The following INIP variants were observed in gnomAD, a reference collection of about 807,000 sequenced individuals.
INIP encodes INTS3 and NABP interacting protein.
A neutral mutation model predicts 14.0 loss-of-function variants in INIP; 9 were observed. The ratio of observed to expected loss-of-function variants is 0.64; its 90% CI spans 0.39 to 1.12. The LOEUF is 1.12. Ranked by LOEUF, INIP falls within the 50% of genes most tolerant of loss-of-function variation. The pLI is 0.01. For missense variants in INIP, 78 were observed against 122.7 expected, an observed-to-expected ratio of 0.64 and a Z score of 1.72; for synonymous variants, 37 against 41.5, an observed-to-expected ratio of 0.89 and a Z score of 0.41.
chr9:112,713,712 C>G (rs951829275), intron 2 of INIP, among the ~76,000 whole-genome samples: 1 of 151,952 alleles, frequency 6.6e-6, no homozygotes, highest in Non-Finnish European at 1.5e-5. Context: ...TATCTGAGGC[C>G]GGGCACAGTG....
At chr9:112,692,427 G>T (rs1588073500) in intron 3 of INIP, among the ~76,000 whole-genome samples, 1 of 152,092 alleles carries the variant, frequency 6.6e-6, no homozygotes, top group East Asian at 1.9e-4. Flanking sequence ...GGCACTACAG[G>T]CATGCACCAC....
At chr9:112,700,021 A>T (rs1838237643) in intron 2 of INIP, among the ~76,000 whole-genome samples, 1 of 152,220 alleles carries the variant, frequency 6.6e-6, no homozygotes, top group Non-Finnish European at 1.5e-5. Flanking sequence ...GTTGTTTTAA[A>T]AAATAATACA....
chr9:112,693,620 C>T (rs1226933170), intron 3 of INIP, among the ~76,000 whole-genome samples: 2 of 152,166 alleles, frequency 1.3e-5, no homozygotes, highest in Admixed American at 6.5e-5. Flanking sequence ...TCTTTTGTTA[C>T]AGAGGTCCCT....
intron 2 of INIP, among the ~76,000 whole-genome samples, chr9:112,710,850 A>C (rs1838625167): frequency 6.6e-6 from 1 of 152,150 alleles, no homozygotes. Context: ...TTATACATAC[A>C]AACAGTACAG....
intron 2 of INIP, among the ~76,000 whole-genome samples, chr9:112,697,651 A>G (rs1838141096): frequency 6.6e-6 from 1 of 151,608 alleles, no homozygotes; most frequent in South Asian, 2.1e-4. Context: ...TCAGGAAATT[A>G]TAAGAGTTTT....
intron 1 of INIP, among the ~76,000 whole-genome samples, chr9:112,717,207 G>A (rs1315706089): frequency 3.9e-5 from 6 of 152,106 alleles, no homozygotes; most frequent in Non-Finnish European, 8.8e-5. Flanking sequence ...TTCATCTATG[G>A]TGTCTCTGCA....
At chr9:112,703,098 C>G (rs887282636) in intron 2 of INIP, among the ~76,000 whole-genome samples, 3 of 151,976 alleles carry the variant, frequency 2.0e-5, no homozygotes, top group African/African-American at 7.3e-5. Context: ...TTCATTCTAC[C>G]CCCTCCTCCT....
In INIP at chr9:112,715,129, T is replaced by C. The variant is rs796537055; in HGVS notation, c.25+1332A>G. On this transcript the variant is annotated intron_variant, in intron 2 of 4. Transcript: ENST00000374242. ...ATCTTAAAATACACACATACATACA[T>C]ACATACACACACACACACACACACA... Among the ~76,000 whole-genome samples the C allele has an allele frequency of 5.5e-3, 554 of 100,952 alleles. 7 individuals carry two copies. The highest frequency in any genetic ancestry group is 0.02 in the African/African-American group (531 of 26,236). 66.2% of individuals were successfully genotyped at this position (100,952 alleles called of 152,430 possible).
In INIP at chr9:112,684,480, G is replaced by C. The variant is rs1372776682; in HGVS notation, c.*3058C>G. On this transcript the variant is annotated 3_prime_UTR_variant, in exon 5 of 5. Coordinates refer to ENST00000374242, the MANE Select transcript of INIP (RefSeq NM_021218.3). ...AGGGTTGAGGATTGCTTGAGCCCAGGGATTCAAGGAGTCTTGCAGTGAGCT... is the reference window on the plus strand; with the variant it reads ...AGGGTTGAGGATTGCTTGAGCCCAGCGATTCAAGGAGTCTTGCAGTGAGCT... 1 of 152,090 alleles carries C rather than the reference G, an allele frequency of 6.6e-6. No homozygotes were observed. The highest frequency in any genetic ancestry group is 1.5e-5 in the Non-Finnish European group (1 of 68,056). The allele number at this position is 152,090 out of a possible 1,614,324, so 9.4% of individuals were successfully genotyped here.
At chr9:112,702,087 C>T (rs1398538674) in intron 2 of INIP, among the ~76,000 whole-genome samples, 1 of 152,012 alleles carries the variant, frequency 6.6e-6, no homozygotes. Context: ...CACATACACA[C>T]ACACACACAC....
Position 112,693,846 on chromosome 9 carries a change from G to A in INIP, c.128+285C>T, listed in dbSNP as rs1374495491. Reference sequence around the variant, plus strand: ...TCCCAGCACTTTGGGAGACCAAGGCGGGTGGATCACCTGAGGTCAGGAGTT... The same window carrying A: ...TCCCAGCACTTTGGGAGACCAAGGCAGGTGGATCACCTGAGGTCAGGAGTT... On this transcript the variant is annotated intron_variant, in intron 3 of 4. Coordinates refer to ENST00000374242, the MANE Select transcript of INIP (RefSeq NM_021218.3). 2.0e-5 allele frequency among the ~76,000 whole-genome samples: 3 copies of A among 152,274 alleles called. No homozygotes were observed. The East Asian group carries it at 5.8e-4, about 29-fold the overall frequency.
chr9:112,715,633 C>T (rs540029071), intron 2 of INIP, among the ~76,000 whole-genome samples: 28 of 152,016 alleles, frequency 1.8e-4, no homozygotes, highest in African/African-American at 5.8e-4. Context: ...ATTAGCTGAG[C>T]GTGATGGCGT....
At chr9:112,706,216 G>C (rs1838463620) in intron 2 of INIP, among the ~76,000 whole-genome samples, 1 of 152,196 alleles carries the variant, frequency 6.6e-6, no homozygotes, top group Non-Finnish European at 1.5e-5. Context: ...CATTGGCAAG[G>C]ATGTGGAGAA....
chr9:112,712,351 A>C (rs1262973266), intron 2 of INIP, among the ~76,000 whole-genome samples: 3 of 152,202 alleles, frequency 2.0e-5, no homozygotes, highest in South Asian at 2.1e-4. Context: ...GAGTTGAGTC[A>C]AGCTGTCTGC....
At chr9:112,708,665 G>A (rs1470745386) in intron 2 of INIP, among the ~76,000 whole-genome samples, 1 of 151,990 alleles carries the variant, frequency 6.6e-6, no homozygotes, top group Non-Finnish European at 1.5e-5. Flanking sequence ...GTCTCACTGG[G>A]CTAAAATCAA....
chr9:112,695,913 G>A (rs911527043), intron 2 of INIP, among the ~76,000 whole-genome samples: 1 of 151,764 alleles, frequency 6.6e-6, no homozygotes, highest in Non-Finnish European at 1.5e-5. Context: ...ATTAAGCCAG[G>A]GTATTGTTCT....
At position 112,688,085 on chromosome 9, in the gene INIP, CAAAT is replaced by C. The variant is rs3033103; in HGVS notation, c.220-456_220-453del. Among the ~76,000 whole-genome samples, 362 of 145,736 alleles carry C rather than the reference CAAAT, an allele frequency of 2.5e-3. 4 individuals are homozygous for C. The highest frequency in any genetic ancestry group is 5.4e-3 in the African/African-American group (217 of 39,992). The stretch of plus-strand genomic sequence containing the variant: ...TGGGCGACAGAGCGAGACTCCATCT[CAAAT>C]AAATAAATAAATAAATAAATAAATA... On this transcript the variant is annotated intron_variant, in intron 4 of 4. Coordinates refer to ENST00000374242, the MANE Select transcript of INIP (RefSeq NM_021218.3).
chr9:112,690,832 T>C (rs1837860507), intron 3 of INIP, among the ~76,000 whole-genome samples: 1 of 152,230 alleles, frequency 6.6e-6, no homozygotes, highest in African/African-American at 2.4e-5. Context: ...CTTTTTCCTC[T>C]ACAGGTGGCT....
chr9:112,687,763 T>C, intron 4 of INIP, 130 bp from the exon 5 acceptor site: 2 of 517,794 alleles, frequency 3.9e-6, no homozygotes, highest in South Asian at 6.7e-5. Flanking sequence ...TTATTTTTCA[T>C]TGTTATTGCT....
Sources: gnomAD v4.1 joint callset for allele counts (sites outside exome capture counted in the v4.1 genomes callset) on GRCh38, gnomAD v4.1.1 for gene constraint, MANE v1.5 for transcripts, NCBI Gene and HGNC (gene_info 2026-07-23, HGNC 2026-07-21) for gene names.